Variants in SLC9C1 observed in about 807,000 individuals in gnomAD.
SLC9C1 encodes the protein solute carrier family 9 member C1.
In SLC9C1, 97 loss-of-function variants were observed where a neutral mutation model predicts 140.9. The observed-to-expected ratio is 0.69, with a 90% CI of 0.58 to 0.82. SLC9C1 has a LOEUF of 0.82. SLC9C1 is among the 40% of genes least tolerant of loss of function. The probability of loss-of-function intolerance (pLI) is 0.00; values close to 1 mark genes in which losing one functional copy is unlikely to be tolerated. For missense variants in SLC9C1, 1,340 were observed against 1,389.3 expected (o/e 0.96, Z 0.56); for synonymous variants, 440 against 442.6 (o/e 0.99, Z 0.07).
rs2079910848 is a variant in SLC9C1 at position 112,266,106 on chromosome 3, A to G, written c.878+132T>C. 6 of 658,592 alleles carry G rather than the reference A, an allele frequency of 9.1e-6. No individual in the cohort carries two copies. The South Asian group carries it at 1.1e-4, about 12-fold the overall frequency. 40.8% of individuals were successfully genotyped at this position (658,592 alleles called of 1,614,324 possible). On this transcript the variant is annotated intron_variant, in intron 8 of 28. Coordinates refer to ENST00000305815, the MANE Select transcript of SLC9C1 (RefSeq NM_183061.3). Reference sequence around the variant, plus strand: ...CAGGCAAGAAAAAATAAAATCTAGGAAAGGTTTTTAGTTGGGTAGTTTTCA... The same window carrying G: ...CAGGCAAGAAAAAATAAAATCTAGGGAAGGTTTTTAGTTGGGTAGTTTTCA...
chr3:112,193,088 C>T (rs1378372004), intron 20 of SLC9C1, among the ~76,000 whole-genome samples: 3 of 151,954 alleles, frequency 2.0e-5, no homozygotes, highest in African/African-American at 7.3e-5. Context: ...TAGTTTGTTC[C>T]AACTGGAATC....
chr3:112,278,791 C>A lies in SLC9C1; in HGVS notation c.256G>T (p.Val86Leu). 1 of 1,611,328 alleles carries A rather than the reference C, an allele frequency of 6.2e-7. No homozygotes were observed. Among genetic ancestry groups the A allele is most frequent in the Non-Finnish European group, 8.5e-7 (1 of 1,178,822 alleles). The change falls in exon 4 of 29, where the codon GTA becomes TTA. Residue 86 changes from valine to leucine, a missense_variant. Physicochemically the swap from Val to Leu is conservative, Grantham distance 32 (BLOSUM62 1). Coordinates refer to ENST00000305815, the MANE Select transcript of SLC9C1 (RefSeq NM_183061.3). Reference protein sequence around the residue: ...PDLFFRIFTPVVFFTTAFDMD... With the variant: ...PDLFFRIFTPLVFFTTAFDMD... Reference sequence around the variant, plus strand: ...TCAAATGCAGTAGTAAAGAAAACTACTGGTGTAAATATACGAAAAAATAAG... The same window carrying A: ...TCAAATGCAGTAGTAAAGAAAACTAATGGTGTAAATATACGAAAAAATAAG...
intron 20 of SLC9C1, among the ~76,000 whole-genome samples, chr3:112,196,903 T>G (rs550826881): frequency 5.6e-4 from 85 of 152,128 alleles, no homozygotes; most frequent in African/African-American, 2.0e-3. Flanking sequence ...TGTTGTTTTA[T>G]TTTTTTCTTT....
At chr3:112,217,406 A>G in intron 15 of SLC9C1, 36 bp downstream of exon 15, 1 of 1,547,046 alleles carries the variant, frequency 6.5e-7, no homozygotes, top group Non-Finnish European at 8.7e-7. Flanking sequence ...TCAAGTGAAT[A>G]TAATAGCATT....
At chr3:112,161,985 C>T (rs1405278503) in intron 26 of SLC9C1, among the ~76,000 whole-genome samples, 6 of 152,094 alleles carry the variant, frequency 3.9e-5, no homozygotes, top group East Asian at 1.9e-4. Flanking sequence ...AGGTCCTTCA[C>T]GTCCCTTGTA....
intron 23 of SLC9C1, among the ~76,000 whole-genome samples, chr3:112,172,304 A>C (rs72944218): frequency 0.022 from 3,318 of 152,114 alleles, 118 homozygotes; most frequent in African/African-American, 0.076. Context: ...CATTAACTTT[A>C]TCTCTTTTAT....
intron 28 of SLC9C1, among the ~76,000 whole-genome samples, chr3:112,142,454 T>G (rs2074658130): frequency 6.6e-6 from 1 of 152,190 alleles, no homozygotes; most frequent in South Asian, 2.1e-4. Context: ...AAGCAATTAA[T>G]TCTTTTTTTG....
chr3:112,154,925 T>C, intron 27 of SLC9C1, 72 bp downstream of exon 27: 1 of 1,394,886 alleles, frequency 7.2e-7, no homozygotes, highest in Non-Finnish European at 1.0e-6. Context: ...AGAAACACAT[T>C]GGTAGTTTCC....
rs2079858940 is a variant in SLC9C1 at position 112,264,322 on chromosome 3, A to G, written c.900T>C (p.Arg300=). ...LLLEFWTFLS[R]IAFLMVFTFF... ...AAGTAAACACCATGAGAAAAGCAAT[A>G]CGTGATAGAAAAGTCCAGAATCTGC... is the stretch of plus-strand genomic sequence containing the variant. The change falls in exon 9 of 29, where the codon CGT becomes CGC. Residue 300 remains arginine, a synonymous_variant. Coordinates refer to ENST00000305815, the MANE Select transcript of SLC9C1 (RefSeq NM_183061.3). 1.4e-6 allele frequency: 2 copies of G among 1,465,840 alleles called. No individual in the cohort carries two copies. The highest frequency in any genetic ancestry group is 1.8e-6 in the Non-Finnish European group (2 of 1,109,548). 90.8% of individuals were successfully genotyped at this position (1,465,840 alleles called of 1,614,324 possible). A position where few individuals can be genotyped will look rare whatever the true frequency, so the allele number is the denominator to read the frequency against.
Position 112,266,166 on chromosome 3 carries a change from T to C in SLC9C1, c.878+72A>G, listed in dbSNP as rs2079912986. On this transcript the variant is annotated intron_variant, in intron 8 of 28. Transcript: ENST00000305815. ...AAATCTTACTTCGACCATGTAGATG[T>C]AGATATTGTTACTATTATAATATTA... 21 of 1,090,194 alleles carry C rather than the reference T, an allele frequency of 1.9e-5. No individual in the cohort carries two copies. The South Asian group carries it at 2.9e-4, about 15-fold the overall frequency. The allele number at this position is 1,090,194 out of a possible 1,614,324, so 67.5% of individuals were successfully genotyped here. A position where few individuals can be genotyped will look rare whatever the true frequency, so the allele number is the denominator to read the frequency against.
intron 10 of SLC9C1, among the ~76,000 whole-genome samples, chr3:112,246,012 T>C (rs781204408): frequency 2.0e-5 from 3 of 152,174 alleles, no homozygotes; most frequent in Non-Finnish European, 2.9e-5. Context: ...GAACTAACTC[T>C]GCCAGGCAAG....
intron 10 of SLC9C1, among the ~76,000 whole-genome samples, chr3:112,255,518 A>T (rs930889582): frequency 1.3e-5 from 2 of 152,162 alleles, no homozygotes; most frequent in Non-Finnish European, 2.9e-5. Context: ...AGAAATCAAG[A>T]AGTTCTTCAA....
rs867077471 is a variant in SLC9C1 at position 112,212,525 on chromosome 3, G to C, written c.1791-4152C>G. ...GAAGTCCTTAAAGGACCTGATGGAG[G>C]TGAAAACCATGGCACAAGAACTACA... On this transcript the variant is annotated intron_variant, in intron 15 of 28. Transcript: ENST00000305815. Among the ~76,000 whole-genome samples, 8 of 152,148 alleles carry C rather than the reference G, an allele frequency of 5.3e-5. 1 individual carries two copies. The highest frequency in any genetic ancestry group is 8.8e-5 in the Non-Finnish European group (6 of 68,024).
At chr3:112,193,860 G>A (rs1416523329) in intron 20 of SLC9C1, among the ~76,000 whole-genome samples, 2 of 152,124 alleles carry the variant, frequency 1.3e-5, no homozygotes, top group East Asian at 3.8e-4. Context: ...ATTGTGGGTG[G>A]TGGGGGTTGG....
At chr3:112,215,966 C>G (rs1274021084) in intron 15 of SLC9C1, among the ~76,000 whole-genome samples, 1 of 152,196 alleles carries the variant, frequency 6.6e-6, no homozygotes, top group Non-Finnish European at 1.5e-5. Flanking sequence ...TACTACAAGG[C>G]TGTGGTAACC....
intron 1 of SLC9C1, 63 bp downstream of exon 1, chr3:112,294,026 TGAGA>T (rs2080765912): frequency 1.3e-5 from 2 of 152,026 alleles, no homozygotes; most frequent in Non-Finnish European, 1.5e-5. Flanking sequence ...GAGGCGAGAC[TGAGA>T]GAGAAAGTAC....
intron 6 of SLC9C1, 73 bp from the exon 7 acceptor site, chr3:112,270,150 A>C (rs1314508575): frequency 2.1e-6 from 3 of 1,398,426 alleles, no homozygotes; most frequent in Non-Finnish European, 2.8e-6. Flanking sequence ...TTCCTTGTTA[A>C]TTTTCCTTTT....
intron 1 of SLC9C1, among the ~76,000 whole-genome samples, chr3:112,292,099 C>A (rs1212285782): frequency 6.6e-6 from 1 of 152,046 alleles, no homozygotes; most frequent in East Asian, 1.9e-4. Context: ...GGGGAATACA[C>A]TGGGGCCTAC....
chr3:112,288,127 C>G (rs900917454), intron 1 of SLC9C1, among the ~76,000 whole-genome samples: 3 of 147,740 alleles, frequency 2.0e-5, no homozygotes, highest in African/African-American at 7.5e-5. Flanking sequence ...CAGTTTCATA[C>G]ACACACGCAC....
Sources: allele counts gnomAD v4.1 joint callset (sites outside exome capture counted in the v4.1 genomes callset), GRCh38; gene constraint gnomAD v4.1.1; transcripts MANE v1.5; gene names NCBI Gene and HGNC (gene_info 2026-07-23, HGNC 2026-07-21).